The following BBC3 variants were observed in gnomAD, a reference collection of about 807,000 sequenced individuals.
BBC3 encodes BCL2 binding component 3, also known as bcl-2-binding component 3.
BBC3 carries 5 observed loss-of-function variants against 18.2 expected under a neutral mutation model. That is an observed-to-expected ratio of 0.27 (90% CI 0.14 to 0.58). The LOEUF is 0.58. BBC3 is among the 20% of genes least tolerant of loss of function. BBC3 has a pLI of 0.91. For synonymous variants in BBC3, 119 were observed against 128.0 expected (o/e 0.93, Z 0.47); for missense variants, 224 against 268.9 (o/e 0.83, Z 1.17).
intron 3 of BBC3, among the ~76,000 whole-genome samples, chr19:47,223,672 C>T (rs1314855483): frequency 2.0e-5 from 3 of 152,302 alleles, no homozygotes; most frequent in East Asian, 3.9e-4. Context: ...AACCTCCTTC[C>T]CTTCAGGTGC....
In BBC3 at chr19:47,221,599, C is replaced by A; in HGVS notation, c.*203G>T. ...CCTCTCCTGGCTTCTTGGCCAGGGA[C>A]CCAGGAGTCCGCATCTCCGTCAGTG... On this transcript the variant is annotated 3_prime_UTR_variant, in exon 4 of 4. Coordinates refer to ENST00000439096, the MANE Select transcript of BBC3 (RefSeq NM_014417.5). 1 of 1,097,822 alleles carries A rather than the reference C, an allele frequency of 9.1e-7. No individual in the cohort carries two copies. Among genetic ancestry groups the A allele is most frequent in the Non-Finnish European group, 1.3e-6 (1 of 781,002 alleles). 68.0% of individuals were successfully genotyped at this position (1,097,822 alleles called of 1,614,324 possible).
At position 47,230,304 on chromosome 19, in the gene BBC3, GAC is replaced by G. The variant is rs2058893992; in HGVS notation, c.-16+623_-16+624del. ...AGAACCCAGCACAAACTCGGAGCCA[GAC>G]ACGCGCACACACCCAGGCGAGACAC... On this transcript the variant is annotated intron_variant, in intron 1 of 3. Coordinates refer to ENST00000439096, the MANE Select transcript of BBC3 (RefSeq NM_014417.5). This position sits in a 1 kb window ranked among gnomAD's most constrained non-coding sequence, Gnocchi z 6.7. Among the ~76,000 whole-genome samples, 1 of 152,028 alleles carries G rather than the reference GAC, an allele frequency of 6.6e-6. No homozygotes were observed. The highest frequency in any genetic ancestry group is 1.5e-5 in the Non-Finnish European group (1 of 67,994).
At chr19:47,229,725 G>T (rs1220654114) in intron 1 of BBC3, among the ~76,000 whole-genome samples, 2 of 151,276 alleles carry the variant, frequency 1.3e-5, no homozygotes, top group Non-Finnish European at 1.5e-5. Flanking sequence ...ACACTGCATA[G>T]ACCCCACAGA....
chr19:47,223,139 C>T (rs1452952367), intron 3 of BBC3, among the ~76,000 whole-genome samples: 8 of 151,044 alleles, frequency 5.3e-5, no homozygotes, highest in South Asian at 2.1e-4. Flanking sequence ...GGTGTGGTGG[C>T]GGGCGCCTGT....
At chr19:47,231,661 C>G (rs745394880), upstream of BBC3, among the ~76,000 whole-genome samples, 7 of 152,150 alleles carry the variant, frequency 4.6e-5, no homozygotes, top group Non-Finnish European at 7.4e-5. The surrounding 1 kb of genome is among the most constrained non-coding windows in gnomAD (Gnocchi z 4.0). Context: ...CACACACACT[C>G]ACATACTGAT....
Position 47,230,715 on chromosome 19 carries a change from C to G in BBC3, c.-16+214G>C. 1 of 985,060 alleles carries G rather than the reference C, an allele frequency of 1.0e-6. No individual in the cohort carries two copies. The highest frequency in any genetic ancestry group is 1.2e-6 in the Non-Finnish European group (1 of 829,680). 61.0% of individuals were successfully genotyped at this position (985,060 alleles called of 1,614,324 possible). A position where few individuals can be genotyped will look rare whatever the true frequency, so the allele number is the denominator to read the frequency against. ...TTTGTAAACAAACCCGCCAGACCGC[C>G]GAGGCACCTGTGCGCCCAGACCGGC... On this transcript the variant is annotated intron_variant, in intron 1 of 3. Coordinates refer to ENST00000439096, the MANE Select transcript of BBC3 (RefSeq NM_014417.5). This position sits in a 1 kb window ranked among gnomAD's most constrained non-coding sequence, Gnocchi z 6.7.
In BBC3 at chr19:47,228,523, G is replaced by C. The variant is rs536919780; in HGVS notation, c.-15-77C>G. The C allele has an allele frequency of 8.1e-4, 962 of 1,190,798 alleles. 1 individual carries two copies. The highest frequency in any genetic ancestry group is 7.2e-4 in the Non-Finnish European group (686 of 952,176). 73.8% of individuals were successfully genotyped at this position (1,190,798 alleles called of 1,614,324 possible). On this transcript the variant is annotated intron_variant, in intron 1 of 3. Coordinates refer to ENST00000439096, the MANE Select transcript of BBC3 (RefSeq NM_014417.5). This position sits in a 1 kb window ranked among gnomAD's most constrained non-coding sequence, Gnocchi z 5.5. ...TGTACCTCCAGCCTACCCGGGGTTAGGACCCAGATGGAGAAGAGTGGAGGT... is the reference window on the plus strand; with the variant it reads ...TGTACCTCCAGCCTACCCGGGGTTACGACCCAGATGGAGAAGAGTGGAGGT...
intron 2 of BBC3, 97 bp from the exon 3 acceptor site, chr19:47,226,851 C>T: frequency 9.1e-7 from 1 of 1,100,828 alleles, no homozygotes; most frequent in Non-Finnish European, 1.2e-6. Context: ...TGCTCCCCGC[C>T]TCATTTCTAG....
intron 3 of BBC3, among the ~76,000 whole-genome samples, chr19:47,226,275 G>T (rs903196877): frequency 6.6e-6 from 1 of 151,788 alleles, no homozygotes. Context: ...GCCGCCCTCA[G>T]TCCCCGCGGC....
chr19:47,232,408 A>G (rs537842000), upstream of BBC3: 13 of 897,034 alleles, frequency 1.4e-5, 2 homozygotes, highest in Middle Eastern at 2.6e-4. Flanking sequence ...AATCAGACAT[A>G]GAAGAAACTG....
chr19:47,221,428 C>CT lies in BBC3; in HGVS notation c.*373_*374insA, dbSNP rs1323829305. The CT allele has an allele frequency of 1.2e-5, 3 of 243,410 alleles. No individual in the cohort carries two copies. The highest frequency in any genetic ancestry group is 2.5e-5 in the African/African-American group (1 of 39,816). The allele number at this position is 243,410 out of a possible 1,614,324, so 15.1% of individuals were successfully genotyped here. A position where few individuals can be genotyped will look rare whatever the true frequency, so the allele number is the denominator to read the frequency against. On this transcript the variant is annotated 3_prime_UTR_variant, in exon 4 of 4. Transcript: ENST00000439096. ...AGTGAAGGAGCACCGAGAGGAGAGC[C>CT]CCCCCCTCCCAGTGTCACCCCTGCA...
rs2058864990 is a variant in BBC3, at chr19:47,228,363, G to A, written c.69C>T (p.Arg23=). 3 of 1,230,856 alleles carry A rather than the reference G, an allele frequency of 2.4e-6. No homozygotes were observed. The highest frequency in any genetic ancestry group is 4.2e-5 in the Admixed American group (1 of 23,648). 76.2% of individuals were successfully genotyped at this position (1,230,856 alleles called of 1,614,324 possible). A position where few individuals can be genotyped will look rare whatever the true frequency, so the allele number is the denominator to read the frequency against. ...PVEGLARDGP[R]PFPLGRLVPS... is the part of the protein sequence containing the mutation. ...GCACCAGGCGGCCGAGCGGGAAGGG[G>A]CGCGGGCCGTCGCGGGCCAGGCCCT... The change falls in exon 2 of 4, where the codon CGC becomes CGT. Residue 23 remains arginine (R), a synonymous_variant. Transcript: ENST00000439096. This position sits in a 1 kb window ranked among gnomAD's most constrained non-coding sequence, Gnocchi z 5.5.
At chr19:47,226,830 T>G in intron 2 of BBC3, 76 bp from the exon 3 acceptor site, 1 of 1,239,040 alleles carries the variant, frequency 8.1e-7, no homozygotes. Flanking sequence ...GCTCCCCTCT[T>G]TCCCAGCCAC....
At chr19:47,224,471 A>T (rs1299572719) in intron 3 of BBC3, among the ~76,000 whole-genome samples, 1 of 151,272 alleles carries the variant, frequency 6.6e-6, no homozygotes, top group East Asian at 2.0e-4. Context: ...AAAAAATAAA[A>T]TAAAAATTAG....
intron 1 of BBC3, among the ~76,000 whole-genome samples, chr19:47,229,575 T>C (rs1479665032): frequency 6.7e-6 from 1 of 150,170 alleles, no homozygotes; most frequent in Non-Finnish European, 1.5e-5. Flanking sequence ...GTGACTGACA[T>C]AAACACTACA....
At chr19:47,232,592 C>G, upstream of BBC3, 1 of 1,535,178 alleles carries the variant, frequency 6.5e-7, no homozygotes, top group South Asian at 1.2e-5. Context: ...AGACCCCATG[C>G]CAAATTTCAT....
upstream of BBC3, chr19:47,232,615 C>G (rs963256405): frequency 6.6e-7 from 1 of 1,523,366 alleles, no homozygotes; most frequent in Non-Finnish European, 8.9e-7. Context: ...TGTCTCATAG[C>G]TTTCCATTCC....
In BBC3 at chr19:47,230,788, C is replaced by A; in HGVS notation, c.-16+141G>T. The A allele has an allele frequency of 1.0e-6, 1 of 985,252 alleles. No individual in the cohort carries two copies. The highest frequency in any genetic ancestry group is 1.2e-6 in the Non-Finnish European group (1 of 829,902). The allele number at this position is 985,252 out of a possible 1,614,324, so 61.0% of individuals were successfully genotyped here. ...CACCCGGCGACCCTGGCCCAGGGTC[C>A]CTCGCGGGGTTTGGAGAGGCGCGGT... On this transcript the variant is annotated intron_variant, in intron 1 of 3. Coordinates refer to ENST00000439096, the MANE Select transcript of BBC3 (RefSeq NM_014417.5). This position sits in a 1 kb window ranked among gnomAD's most constrained non-coding sequence, Gnocchi z 6.7.
intron 1 of BBC3, among the ~76,000 whole-genome samples, chr19:47,229,992 G>A (rs984497409): frequency 6.6e-6 from 1 of 151,318 alleles, no homozygotes; most frequent in Non-Finnish European, 1.5e-5. Context: ...CACACATATC[G>A]CACGCTCGGG....
Sources: gnomAD v4.1 joint callset for allele counts (sites outside exome capture counted in the v4.1 genomes callset) on GRCh38, gnomAD v4.1.1 for gene constraint, Gnocchi (gnomAD v3.1) non-coding constraint, MANE v1.5 for transcripts, NCBI Gene and HGNC (gene_info 2026-07-23, HGNC 2026-07-21) for gene names.